Variants in LRMDA observed in about 807,000 individuals in gnomAD.
LRMDA encodes leucine rich melanocyte differentiation associated.
In LRMDA, 18 loss-of-function variants were observed where a neutral mutation model predicts 29.8. The ratio of observed to expected loss-of-function variants is 0.60; its 90% CI spans 0.42 to 0.90. The LOEUF (loss-of-function observed/expected upper bound fraction) is 0.90, where lower values mean the gene tolerates loss of function less well. Among genes scored for constraint, LRMDA ranks in the 40% least tolerant of loss-of-function variants. The pLI, the probability that LRMDA is intolerant of heterozygous loss-of-function variation, is 0.00. For synonymous variants in LRMDA, 125 were observed against 109.4 expected, an observed-to-expected ratio of 1.14 and a Z score of -0.89; for missense variants, 273 against 273.9, an observed-to-expected ratio of 1.00 and a Z score of 0.02.
chr10:75,522,409 A>G (rs912783533), intron 2 of LRMDA, among the ~76,000 whole-genome samples: 1 of 152,212 alleles, frequency 6.6e-6, no homozygotes, highest in Non-Finnish European at 1.5e-5. Flanking sequence ...AGTTTCATGT[A>G]AGATAATTAG....
chr10:76,215,919 A>G (rs377124223), intron 5 of LRMDA, among the ~76,000 whole-genome samples: 4 of 152,262 alleles, frequency 2.6e-5, no homozygotes, highest in African/African-American at 7.2e-5. Flanking sequence ...CACAATAACA[A>G]TATGACTTGC....
intron 5 of LRMDA, among the ~76,000 whole-genome samples, chr10:76,198,644 A>G (rs1851373872): frequency 6.6e-6 from 1 of 152,224 alleles, no homozygotes; most frequent in Non-Finnish European, 1.5e-5. Flanking sequence ...TACTCTCCTA[A>G]TTGAAAGTTG....
At chr10:76,225,674 A>C (rs1249928711) in intron 5 of LRMDA, among the ~76,000 whole-genome samples, 1 of 149,756 alleles carries the variant, frequency 6.7e-6, no homozygotes, top group African/African-American at 2.5e-5. Flanking sequence ...CTGTAAAGAA[A>C]TATCTGAGAC....
chr10:75,901,585 G>A (rs76115183), intron 2 of LRMDA, among the ~76,000 whole-genome samples: 3,229 of 152,138 alleles, frequency 0.021, 55 homozygotes, highest in Non-Finnish European at 0.032. Context: ...AGTATTCATG[G>A]GGGGAGAAAA....
chr10:76,101,798 CATTT>C (rs1362983077), intron 5 of LRMDA, among the ~76,000 whole-genome samples: 1 of 152,038 alleles, frequency 6.6e-6, no homozygotes, highest in Non-Finnish European at 1.5e-5. Flanking sequence ...AATTCAGTGA[CATTT>C]AGTACATTCG....
At position 75,694,752 on chromosome 10, in the gene LRMDA, G is replaced by GGA. The variant is rs565842366; in HGVS notation, c.131+256260_131+256261dup. Reference sequence around the variant, plus strand: ...GTTTTCTGAAATATCGGCTGTATATGGAGGGTAGTGACACAGTATTTAAGA... The same window carrying GGA: ...GTTTTCTGAAATATCGGCTGTATATGGAGAGGGTAGTGACACAGTATTTAAGA... On this transcript the variant is annotated intron_variant, in intron 2 of 6. Coordinates refer to ENST00000611255, the MANE Select transcript of LRMDA (RefSeq NM_001305581.2). Among the ~76,000 whole-genome samples the GGA allele has an allele frequency of 1.6e-4, 24 of 152,264 alleles. No individual in the cohort carries two copies. In the South Asian group the frequency reaches 4.6e-3, roughly 29 times the overall value.
intron 5 of LRMDA, among the ~76,000 whole-genome samples, chr10:76,068,582 A>T (rs1251075316): frequency 6.6e-6 from 1 of 152,202 alleles, no homozygotes; most frequent in Non-Finnish European, 1.5e-5. Context: ...ATCTGACAGG[A>T]GGCAGAGCCC....
chr10:76,155,495 TG>T (rs1850520922), intron 5 of LRMDA, among the ~76,000 whole-genome samples: 1 of 152,194 alleles, frequency 6.6e-6, no homozygotes, highest in Non-Finnish European at 1.5e-5. Flanking sequence ...TATGTTAGAA[TG>T]GTAGACAATA....
At chr10:75,801,405 A>C (rs1843741735) in intron 2 of LRMDA, among the ~76,000 whole-genome samples, 1 of 152,200 alleles carries the variant, frequency 6.6e-6, no homozygotes, top group Non-Finnish European at 1.5e-5. Context: ...AGTGGCCTCA[A>C]GGGGAAAAGC....
intron 2 of LRMDA, among the ~76,000 whole-genome samples, chr10:75,831,335 C>A (rs1158475034): frequency 2.0e-5 from 3 of 152,196 alleles, no homozygotes; most frequent in Admixed American, 2.0e-4. Flanking sequence ...GCGTGAGCCA[C>A]CAGGCCTGGC....
intron 5 of LRMDA, among the ~76,000 whole-genome samples, chr10:76,226,380 C>T (rs920851079): frequency 6.6e-6 from 1 of 151,746 alleles, no homozygotes. Flanking sequence ...GTCGGGAGTT[C>T]AAGACCAGCC....
intron 2 of LRMDA, among the ~76,000 whole-genome samples, chr10:75,446,765 CCAG>C (rs1844401413): frequency 6.6e-6 from 1 of 152,206 alleles, no homozygotes; most frequent in Admixed American, 6.5e-5. Context: ...ATAGGCTAAA[CCAG>C]CTCACCTCAT....
intron 6 of LRMDA, among the ~76,000 whole-genome samples, chr10:76,432,322 A>T (rs960926128): frequency 1.1e-4 from 17 of 152,118 alleles, no homozygotes; most frequent in Non-Finnish European, 2.2e-4. Context: ...ACAAAAAGAG[A>T]ACATAAAATG....
chr10:76,033,554 G>A (rs1173676827), intron 2 of LRMDA, among the ~76,000 whole-genome samples: 2 of 152,090 alleles, frequency 1.3e-5, no homozygotes, highest in African/African-American at 2.4e-5. Flanking sequence ...CCTCCCTGGA[G>A]CACTCTTGGA....
intron 6 of LRMDA, among the ~76,000 whole-genome samples, chr10:76,339,110 T>G (rs2132417119): frequency 6.6e-6 from 1 of 152,164 alleles, no homozygotes; most frequent in African/African-American, 2.4e-5. Context: ...GAAAATAAGG[T>G]GATATTCTTT....
At chr10:76,298,723 T>C (rs76488950) in intron 5 of LRMDA, among the ~76,000 whole-genome samples, 256 of 152,348 alleles carry the variant, frequency 1.7e-3, no homozygotes, top group African/African-American at 5.4e-3. Flanking sequence ...CCTTAAAAAG[T>C]TACTTTCTAG....
intron 2 of LRMDA, among the ~76,000 whole-genome samples, chr10:75,672,754 TAG>T (rs1841913882): frequency 6.6e-6 from 1 of 150,600 alleles, no homozygotes; most frequent in African/African-American, 2.5e-5. Flanking sequence ...ACGTTTTCAG[TAG>T]AGACGGGGTT....
At chr10:75,623,835 G>T (rs1841217142) in intron 2 of LRMDA, among the ~76,000 whole-genome samples, 1 of 152,218 alleles carries the variant, frequency 6.6e-6, no homozygotes, top group Non-Finnish European at 1.5e-5. Context: ...AAGCTAGAAA[G>T]CAACCGATTT....
At chr10:76,095,832 G>A (rs952405555) in intron 5 of LRMDA, among the ~76,000 whole-genome samples, 16 of 151,790 alleles carry the variant, frequency 1.1e-4, no homozygotes, top group Non-Finnish European at 1.8e-4. Flanking sequence ...GGTTAAAGTC[G>A]GTTCAAATCT....
Sources: gnomAD v4.1 joint callset for allele counts (sites outside exome capture counted in the v4.1 genomes callset) on GRCh38, gnomAD v4.1.1 for gene constraint, MANE v1.5 for transcripts, NCBI Gene and HGNC (gene_info 2026-07-23, HGNC 2026-07-21) for gene names.